PTH1R: variants seen among roughly 807,000 people sequenced by gnomAD.
PTH1R encodes the protein parathyroid hormone 1 receptor, also known as parathyroid hormone/parathyroid hormone-related peptide receptor.
A neutral mutation model predicts 70.7 loss-of-function variants in PTH1R; 32 were observed. That is an observed-to-expected ratio of 0.45 (90% CI 0.34 to 0.61). The LOEUF (loss-of-function observed/expected upper bound fraction) is 0.61, where lower values mean the gene tolerates loss of function less well. PTH1R is among the 20% of genes least tolerant of loss of function. The pLI is 0.01. For synonymous variants in PTH1R, 329 were observed against 324.8 expected, an observed-to-expected ratio of 1.01 and a Z score of -0.14; for missense variants, 626 against 792.5, an observed-to-expected ratio of 0.79 and a Z score of 2.52.
At position 46,902,412 on chromosome 3, in the gene PTH1R, G is replaced by A; in HGVS notation, c.1212-114G>A. 1.4e-6 allele frequency: 2 copies of A among 1,414,144 alleles called. No homozygotes were observed. Among genetic ancestry groups the A allele is most frequent in the Non-Finnish European group, 9.7e-7 (1 of 1,026,842 alleles). The allele number at this position is 1,414,144 out of a possible 1,614,324, so 87.6% of individuals were successfully genotyped here. ...CTGGGTTGTCCTCCCATGGTGACTG[G>A]AGCCCTGGGCCCCTTTGAGCTTCCG... On this transcript the variant is annotated intron_variant, in intron 13 of 15. Transcript: ENST00000449590. The surrounding 1 kb of genome is among the most constrained non-coding windows in gnomAD (Gnocchi z 5.4).
intron 9 of PTH1R, 35 bp from the exon 10 acceptor site, chr3:46,899,268 C>A (rs776293238): frequency 6.2e-7 from 1 of 1,613,338 alleles, no homozygotes; most frequent in Non-Finnish European, 8.5e-7. Flanking sequence ...CGGAGGCAGG[C>A]CCTGCCCTCT....
In PTH1R at chr3:46,883,565, G is replaced by A; in HGVS notation, c.6G>A (p.Gly2=). 3.3e-6 allele frequency: 5 copies of A among 1,536,826 alleles called. No homozygotes were observed. The highest frequency in any genetic ancestry group is 4.4e-6 in the Non-Finnish European group (5 of 1,145,846). Residue 2 remains glycine, a synonymous_variant, in exon 3 of 16, where the codon GGG becomes GGA. Transcript: ENST00000449590. The surrounding 1 kb of genome is among the most constrained non-coding windows in gnomAD (Gnocchi z 6.4). M[G]TARIAPGLAL... is the part of the protein sequence containing the mutation. ...CGCGGCCCTAGGCGGTGGCGATGGG[G>A]ACCGCCCGGATCGCACCCGGCCTGG...
chr3:46,887,567 AGTTTG>A (rs1052351298), intron 3 of PTH1R, among the ~76,000 whole-genome samples: 3 of 151,844 alleles, frequency 2.0e-5, no homozygotes, highest in Admixed American at 6.6e-5. Flanking sequence ...CATTTTTAGC[AGTTTG>A]GGTAGAGGGG....
Position 46,903,602 on chromosome 3 carries a change from T to C in PTH1R, c.1728T>C (p.Ser576=), listed in dbSNP as rs201013164. 111 of 1,613,212 alleles carry C rather than the reference T, an allele frequency of 6.9e-5. No individual in the cohort carries two copies. The highest frequency in any genetic ancestry group is 9.2e-5 in the Non-Finnish European group (108 of 1,180,018). Residue 576 remains serine (S), a synonymous_variant, in exon 16 of 16, where the codon TCT becomes TCC. Coordinates refer to ENST00000449590, the MANE Select transcript of PTH1R (RefSeq NM_000316.3). The surrounding 1 kb of genome is among the most constrained non-coding windows in gnomAD (Gnocchi z 4.4). ...GCTCAGGCCTGGACGAGGAGGCCTC[T>C]GGGCCTGAGCGGCCACCTGCCCTGC... is the stretch of plus-strand genomic sequence containing the variant. ...GSCSGLDEEA[S]GPERPPALLQ...
chr3:46,895,075 CAAAAA>C (rs1167277169), intron 4 of PTH1R, among the ~76,000 whole-genome samples: 3 of 121,852 alleles, frequency 2.5e-5, no homozygotes, highest in Non-Finnish European at 5.0e-5. Flanking sequence ...AAAAAAAAAA[CAAAAA>C]AAACAAACAA....
At chr3:46,897,255 G>A (rs1402766715) in intron 5 of PTH1R, among the ~76,000 whole-genome samples, 1 of 152,272 alleles carries the variant, frequency 6.6e-6, no homozygotes, top group East Asian at 1.9e-4. Context: ...ACCTCAGCAA[G>A]TTGCCTACCT....
Position 46,879,218 on chromosome 3 carries a change from T to G in PTH1R, c.-106+1375T>G, listed in dbSNP as rs2030409200. On this transcript the variant is annotated intron_variant, in intron 1 of 15. Transcript: ENST00000449590. This position sits in a 1 kb window ranked among gnomAD's most constrained non-coding sequence, Gnocchi z 4.7. ...AGGGACCCAGCACCCATCAGATTCC[T>G]CTCTGCAGCCCTCTCCACAGCCCAC... Among the ~76,000 whole-genome samples, 1 of 152,148 alleles carries G rather than the reference T, an allele frequency of 6.6e-6. No individual in the cohort carries two copies. Among genetic ancestry groups the G allele is most frequent in the African/African-American group, 2.4e-5 (1 of 41,412 alleles).
At position 46,903,632 on chromosome 3, in the gene PTH1R, G is replaced by A. The variant is rs1335756551; in HGVS notation, c.1758G>A (p.Gln586=). ...CTGAGCGGCCACCTGCCCTGCTACA[G>A]GAAGAGTGGGAGACAGTCATGTGAC... ...SGPERPPALL[Q]EEWETVM is the part of the protein sequence containing the mutation. The change falls in exon 16 of 16, where the codon CAG becomes CAA. Residue 586 remains glutamine, a synonymous_variant. Transcript: ENST00000449590. The surrounding 1 kb of genome is among the most constrained non-coding windows in gnomAD (Gnocchi z 4.4). The A allele has an allele frequency of 6.2e-7, 1 of 1,611,238 alleles. No homozygotes were observed. The highest frequency in any genetic ancestry group is 1.7e-5 in the Admixed American group (1 of 60,034).
chr3:46,899,435 G>A lies in PTH1R; in HGVS notation c.967G>A (p.Gly323Ser), dbSNP rs1318376838. 2 of 1,612,788 alleles carry A rather than the reference G, an allele frequency of 1.2e-6. No homozygotes were observed. The highest frequency in any genetic ancestry group is 3.3e-5 in the Admixed American group (2 of 60,026). ...CTTCTCAGAGAAGAAGTACCTGTGG[G>A]GCTTCACAGTCTTCGGCTGGGGTAC... ...AFFSEKKYLW[G>S]FTVFGWGLPA... The change falls in exon 10 of 16, where the codon GGC becomes AGC. Residue 323 changes from glycine (G) to serine (S), a missense_variant. Gly to Ser is a moderately conservative substitution (Grantham distance 56, BLOSUM62 0). Transcript: ENST00000449590.
At chr3:46,890,585 C>A (rs2031358443) in intron 3 of PTH1R, among the ~76,000 whole-genome samples, 1 of 147,946 alleles carries the variant, frequency 6.8e-6, no homozygotes, top group Non-Finnish European at 1.5e-5. Flanking sequence ...CTCACTGGAA[C>A]CTCCGCTCCC....
intron 3 of PTH1R, among the ~76,000 whole-genome samples, chr3:46,889,196 G>A (rs982951633): frequency 2.6e-5 from 4 of 152,216 alleles, no homozygotes; most frequent in Non-Finnish European, 5.9e-5. Flanking sequence ...TGGCTGTGCT[G>A]GAGGCATCAA....
chr3:46,885,065 A>G (rs1388280033), intron 3 of PTH1R, among the ~76,000 whole-genome samples: 2 of 152,122 alleles, frequency 1.3e-5, no homozygotes, highest in African/African-American at 2.4e-5. Context: ...GGATAGAACT[A>G]CCACCAACCC....
At position 46,896,182 on chromosome 3, in the gene PTH1R, G is replaced by A. The variant is rs2031743450; in HGVS notation, c.313+313G>A. Among the ~76,000 whole-genome samples, 1 of 118,692 alleles carries A rather than the reference G, an allele frequency of 8.4e-6. No individual in the cohort carries two copies. The highest frequency in any genetic ancestry group is 2.6e-5 in the African/African-American group (1 of 38,430). The allele number at this position is 118,692 out of a possible 152,430, so 77.9% of individuals were successfully genotyped here. On this transcript the variant is annotated intron_variant, in intron 5 of 15. Transcript: ENST00000449590. The surrounding 1 kb of genome is among the most constrained non-coding windows in gnomAD (Gnocchi z 4.1). Reference sequence around the variant, plus strand: ...ACCCTGGGGGACAGAGAGGCAGGGAGAGATACACAAAGACAGACAGATAGT... The same window carrying A: ...ACCCTGGGGGACAGAGAGGCAGGGAAAGATACACAAAGACAGACAGATAGT...
Position 46,892,463 on chromosome 3 carries a change from G to A in PTH1R, c.76-1444G>A, listed in dbSNP as rs962207810. On this transcript the variant is annotated intron_variant, in intron 3 of 15. Coordinates refer to ENST00000449590, the MANE Select transcript of PTH1R (RefSeq NM_000316.3). This position sits in a 1 kb window ranked among gnomAD's most constrained non-coding sequence, Gnocchi z 5.2. ...GCACGCGCCGGCCACTCGAGAATGCGCTGCCACTCGCGCGCGCACGCACAG... is the reference window on the plus strand; with the variant it reads ...GCACGCGCCGGCCACTCGAGAATGCACTGCCACTCGCGCGCGCACGCACAG... Among the ~76,000 whole-genome samples, 1 of 152,210 alleles carries A rather than the reference G, an allele frequency of 6.6e-6. No homozygotes were observed. The highest frequency in any genetic ancestry group is 1.5e-5 in the Non-Finnish European group (1 of 68,026).
rs765105267 is a variant in PTH1R, at chr3:46,903,532, C to T, written c.1658C>T (p.Pro553Leu). The T allele has an allele frequency of 1.2e-6, 2 of 1,613,938 alleles. No individual in the cohort carries two copies. The highest frequency in any genetic ancestry group is 1.7e-6 in the Non-Finnish European group (2 of 1,180,044). The stretch of plus-strand genomic sequence containing the variant: ...CTGGAGACCCTCGAGACCACACCAC[C>T]TGCCATGGCTGCTCCCAAGGACGAT... ...PALETLETTP[P>L]AMAAPKDDGF... Residue 553 changes from proline (P) to leucine (L), a missense_variant, in exon 16 of 16, where the codon CCT (proline) becomes CTT (leucine). This residue lies in a region of PTH1R where 495 missense variants were observed against 638.7 expected (regional missense o/e 0.77). Coordinates refer to ENST00000449590, the MANE Select transcript of PTH1R (RefSeq NM_000316.3). The surrounding 1 kb of genome is among the most constrained non-coding windows in gnomAD (Gnocchi z 4.4).
rs1422535236 is a variant in PTH1R, at chr3:46,891,421, G to A, written c.76-2486G>A. ...GCCTGCAGTCTAGGCCATCAGGGGT[G>A]ACCCCCAGTCATATCAGTAGGCTGG... is the stretch of plus-strand genomic sequence containing the variant. On this transcript the variant is annotated intron_variant, in intron 3 of 15. Transcript: ENST00000449590. The surrounding 1 kb of genome is among the most constrained non-coding windows in gnomAD (Gnocchi z 4.3). 6.6e-6 allele frequency among the ~76,000 whole-genome samples: 1 copy of A among 152,228 alleles called. No homozygotes were observed. The highest frequency in any genetic ancestry group is 2.1e-4 in the South Asian group (1 of 4,834).
At chr3:46,886,193 A>G (rs994083848) in intron 3 of PTH1R, among the ~76,000 whole-genome samples, 1 of 152,180 alleles carries the variant, frequency 6.6e-6, no homozygotes, top group African/African-American at 2.4e-5. Context: ...ACACATGTGG[A>G]GGAGAAACTG....
In PTH1R at chr3:46,903,765, G is replaced by GAA; in HGVS notation, c.*115_*116dup. 3.4e-6 allele frequency: 5 copies of GAA among 1,469,336 alleles called. No individual in the cohort carries two copies. Among genetic ancestry groups the GAA allele is most frequent in the Non-Finnish European group, 4.6e-6 (5 of 1,094,374 alleles). The allele number at this position is 1,469,336 out of a possible 1,614,324, so 91.0% of individuals were successfully genotyped here. The stretch of plus-strand genomic sequence containing the variant: ...GGCTGGGGCCAAGAGGAAAAACAGG[G>GAA]AAAAAAAGAAAAAAAAAAGAAAAAG... On this transcript the variant is annotated 3_prime_UTR_variant, in exon 16 of 16. Transcript: ENST00000449590. The surrounding 1 kb of genome is among the most constrained non-coding windows in gnomAD (Gnocchi z 4.4).
In PTH1R at chr3:46,896,220, C is replaced by T. The variant is rs550714893; in HGVS notation, c.313+351C>T. Among the ~76,000 whole-genome samples, 11 of 151,724 alleles carry T rather than the reference C, an allele frequency of 7.3e-5. No homozygotes were observed. The highest frequency in any genetic ancestry group is 6.2e-4 in the South Asian group (3 of 4,802). On this transcript the variant is annotated intron_variant, in intron 5 of 15. Coordinates refer to ENST00000449590, the MANE Select transcript of PTH1R (RefSeq NM_000316.3). This position sits in a 1 kb window ranked among gnomAD's most constrained non-coding sequence, Gnocchi z 4.1. ...ACAGACAGATAGTGACAGAGAAAGA[C>T]GGGGAGAGGCATGGAGACAGAGATC...
Sources: gnomAD v4.1 joint callset for allele counts (sites outside exome capture counted in the v4.1 genomes callset) on GRCh38, gnomAD v4.1.1 for gene constraint, gnomAD v4.1.1 regional missense constraint, Gnocchi (gnomAD v3.1) non-coding constraint, MANE v1.5 for transcripts, NCBI Gene and HGNC (gene_info 2026-07-23, HGNC 2026-07-21) for gene names.